The following AUTS2 variants were observed in gnomAD, a reference collection of about 807,000 sequenced individuals.
AUTS2 encodes activator of transcription and developmental regulator AUTS2.
AUTS2 carries 17 observed loss-of-function variants against 112.4 expected under a neutral mutation model. The observed-to-expected ratio is 0.15, with a 90% confidence interval of 0.10 to 0.23. AUTS2 has a LOEUF of 0.23. Ranked by LOEUF, AUTS2 falls within the 10% of genes least tolerant of loss-of-function variation. The probability of loss-of-function intolerance (pLI) is 1.00; values close to 1 mark genes in which losing one functional copy is unlikely to be tolerated. For missense variants in AUTS2, 1,510 were observed against 1,701.6 expected, an observed-to-expected ratio of 0.89 and a Z score of 1.98; for synonymous variants, 751 against 702.7, an observed-to-expected ratio of 1.07 and a Z score of -1.09.
chr7:69,690,099 T>G (rs980040316), intron 1 of AUTS2, among the ~76,000 whole-genome samples: 24 of 152,236 alleles, frequency 1.6e-4, no homozygotes, highest in African/African-American at 2.4e-5. Context: ...AAAATTTTAC[T>G]TTTTTGGTCT....
intron 4 of AUTS2, among the ~76,000 whole-genome samples, chr7:70,172,947 T>C (rs927190130): frequency 1.3e-5 from 2 of 152,218 alleles, no homozygotes; most frequent in African/African-American, 4.8e-5. Context: ...GTATATGCGA[T>C]TACATTTTTT....
chr7:69,947,834 G>A (rs540496490), intron 2 of AUTS2, among the ~76,000 whole-genome samples: 2 of 152,154 alleles, frequency 1.3e-5, no homozygotes, highest in Non-Finnish European at 2.9e-5. Context: ...TTATCTCATT[G>A]ATCTAAGGTA....
chr7:69,649,091 G>A (rs905426833), intron 1 of AUTS2, among the ~76,000 whole-genome samples: 5 of 152,162 alleles, frequency 3.3e-5, no homozygotes, highest in South Asian at 2.1e-4. Flanking sequence ...TTTGCTGAGC[G>A]GAGCTGTGGA....
At chr7:70,659,388 C>G (rs899424375) in intron 5 of AUTS2, among the ~76,000 whole-genome samples, 3 of 152,110 alleles carry the variant, frequency 2.0e-5, no homozygotes, top group African/African-American at 7.2e-5. Flanking sequence ...TCTGACTTTC[C>G]CCTCCCACCT....
chr7:70,422,857 C>T lies in AUTS2; in HGVS notation c.661-12895C>T, dbSNP rs149320896. 8.7e-3 allele frequency among the ~76,000 whole-genome samples: 1,325 copies of T among 152,220 alleles called. 10 individuals carry two copies. Among genetic ancestry groups the T allele is most frequent in the Admixed American group, 0.013 (191 of 15,280 alleles). The stretch of plus-strand genomic sequence containing the variant: ...CTTTCAGATCTTTTAGTGTTCATGC[C>T]GCCAACCACTGTCTCTCTCTTGATC... On this transcript the variant is annotated intron_variant, in intron 4 of 18. Transcript: ENST00000342771.
At chr7:70,573,736 A>C (rs998728536) in intron 5 of AUTS2, among the ~76,000 whole-genome samples, 1 of 152,058 alleles carries the variant, frequency 6.6e-6, no homozygotes, top group African/African-American at 2.4e-5. Context: ...AAGGATAATG[A>C]GATTAATATA....
At chr7:70,174,457 A>G (rs1271068525) in intron 4 of AUTS2, among the ~76,000 whole-genome samples, 1 of 152,226 alleles carries the variant, frequency 6.6e-6, no homozygotes, top group Non-Finnish European at 1.5e-5. Context: ...AGCTAAGATC[A>G]TTGATAAAGG....
rs1380336158 is a variant in AUTS2, at chr7:70,077,997, A to C, written c.523-40135A>C. Among the ~76,000 whole-genome samples the C allele has an allele frequency of 2.0e-5, 3 of 152,124 alleles. No individual in the cohort carries two copies. The East Asian group carries it at 5.8e-4, about 29-fold the overall frequency. On this transcript the variant is annotated intron_variant, in intron 2 of 18. Coordinates refer to ENST00000342771, the MANE Select transcript of AUTS2 (RefSeq NM_015570.4). ...GTGGATATGCCGGTCTCATTCTTTGATGTTTGGTACATGGGCAAGTGGTCA... is the reference window on the plus strand; with the variant it reads ...GTGGATATGCCGGTCTCATTCTTTGCTGTTTGGTACATGGGCAAGTGGTCA...
intron 1 of AUTS2, among the ~76,000 whole-genome samples, chr7:69,632,905 T>A (rs1226825235): frequency 6.6e-6 from 1 of 152,152 alleles, no homozygotes; most frequent in Admixed American, 6.5e-5. Context: ...GATTATAGGA[T>A]GCATAGAGAT....
chr7:70,204,816 A>G (rs1409686251), intron 4 of AUTS2, among the ~76,000 whole-genome samples: 2 of 152,176 alleles, frequency 1.3e-5, no homozygotes, highest in African/African-American at 2.4e-5. Context: ...AGGGGAATAA[A>G]ACATCCACAC....
intron 5 of AUTS2, among the ~76,000 whole-genome samples, chr7:70,457,534 C>G (rs370128091): frequency 9.2e-5 from 14 of 152,142 alleles, no homozygotes; most frequent in African/African-American, 3.1e-4. Context: ...TTTTTTCTGT[C>G]CACAACCAAT....
intron 4 of AUTS2, among the ~76,000 whole-genome samples, chr7:70,410,241 T>A (rs1472506621): frequency 1.3e-5 from 2 of 152,184 alleles, no homozygotes; most frequent in African/African-American, 4.8e-5. Flanking sequence ...AGCTCAGTGA[T>A]GCTACTAGGA....
intron 2 of AUTS2, among the ~76,000 whole-genome samples, chr7:69,941,319 T>G (rs1796618470): frequency 1.3e-5 from 2 of 152,268 alleles, no homozygotes; most frequent in South Asian, 4.2e-4. Flanking sequence ...CCACTTGGAT[T>G]CAAGAGGAAA....
chr7:70,748,071 G>A (rs946828439), intron 6 of AUTS2, among the ~76,000 whole-genome samples: 1 of 143,350 alleles, frequency 7.0e-6, no homozygotes, highest in African/African-American at 2.7e-5. Context: ...CTCGTGATCC[G>A]CCCGTCTCAG....
intron 4 of AUTS2, among the ~76,000 whole-genome samples, chr7:70,315,872 C>T (rs1046141463): frequency 6.6e-6 from 1 of 152,190 alleles, no homozygotes; most frequent in Non-Finnish European, 1.5e-5. Flanking sequence ...CATCCCAAGT[C>T]GTTCCCCATC....
At chr7:70,408,947 C>G (rs1562940687) in intron 4 of AUTS2, among the ~76,000 whole-genome samples, 1 of 152,206 alleles carries the variant, frequency 6.6e-6, no homozygotes, top group Non-Finnish European at 1.5e-5. Context: ...CTAGATGATT[C>G]TCAAAATATG....
chr7:70,086,703 A>G (rs1803625778), intron 2 of AUTS2, among the ~76,000 whole-genome samples: 1 of 151,542 alleles, frequency 6.6e-6, no homozygotes, highest in Non-Finnish European at 1.5e-5. Flanking sequence ...AACCTTTGTC[A>G]GATTTATCAT....
At chr7:69,904,593 G>A (rs576535527) in intron 2 of AUTS2, among the ~76,000 whole-genome samples, 1 of 152,272 alleles carries the variant, frequency 6.6e-6, no homozygotes, top group Non-Finnish European at 1.5e-5. Context: ...ATATTTAGAT[G>A]TCTGCTGGTA....
chr7:70,693,827 G>C (rs1435895645), intron 5 of AUTS2, among the ~76,000 whole-genome samples: 1 of 152,188 alleles, frequency 6.6e-6, no homozygotes, highest in African/African-American at 2.4e-5. Context: ...TGCAGTTTCC[G>C]CCGCGCCCGC....
Sources: allele counts gnomAD v4.1 joint callset (sites outside exome capture counted in the v4.1 genomes callset), GRCh38; gene constraint gnomAD v4.1.1; transcripts MANE v1.5; gene names NCBI Gene and HGNC (gene_info 2026-07-23, HGNC 2026-07-21).